Variants in TRIM46 observed in about 807,000 individuals in gnomAD.
TRIM46 encodes tripartite motif containing 46.
A neutral mutation model predicts 69.7 loss-of-function variants in TRIM46; 17 were observed. The ratio of observed to expected loss-of-function variants is 0.24; its 90% confidence interval spans 0.17 to 0.37. The LOEUF (loss-of-function observed/expected upper bound fraction) is 0.37. Among genes scored for constraint, TRIM46 ranks in the 10% least tolerant of loss-of-function variants. TRIM46 has a pLI of 1.00. For synonymous variants in TRIM46, 391 were observed against 429.0 expected (o/e 0.91, Z 1.09); for missense variants, 675 against 1,025.1 (o/e 0.66, Z 4.66).
chr1:155,178,656 C>T, intron 7 of TRIM46, 43 bp downstream of exon 7: 1 of 1,605,544 alleles, frequency 6.2e-7, no homozygotes, highest in Non-Finnish European at 8.5e-7. Flanking sequence ...GAGCCTTCTT[C>T]CCTTCCTCCC....
chr1:155,177,854 C>T (rs758833899), intron 5 of TRIM46, 148 bp from the exon 6 acceptor site: 66 of 1,204,336 alleles, frequency 5.5e-5, no homozygotes, highest in Non-Finnish European at 7.0e-5. Flanking sequence ...AGCCATGAGC[C>T]CAGGCCCTGT....
chr1:155,179,595 C>A, intron 7 of TRIM46, 37 bp from the exon 8 acceptor site: 1 of 1,551,420 alleles, frequency 6.4e-7, no homozygotes. Flanking sequence ...AGGCCAGTGG[C>A]CAGGCCCTGA....
In TRIM46 at chr1:155,181,017, G is replaced by A. The variant is rs1666132858; in HGVS notation, c.1589-835G>A. ...TGGGAGGCCGAGGTGGATGGATCAC[G>A]AGGTCAGGCGTTCAAGACCAGCCTG... On this transcript the variant is annotated intron_variant, in intron 8 of 9. Coordinates refer to ENST00000334634, the MANE Select transcript of TRIM46 (RefSeq NM_025058.5). This position sits in a 1 kb window ranked among gnomAD's most constrained non-coding sequence, Gnocchi z 4.3. 6.6e-6 allele frequency among the ~76,000 whole-genome samples: 1 copy of A among 152,074 alleles called. No homozygotes were observed. Among genetic ancestry groups the A allele is most frequent in the African/African-American group, 2.4e-5 (1 of 41,384 alleles).
At chr1:155,178,739 T>TTGGGGCCCCCCCC in intron 7 of TRIM46, 126 bp downstream of exon 7, 19 of 1,348,436 alleles carry the variant, frequency 1.4e-5, no homozygotes, top group Non-Finnish European at 1.8e-5. Context: ...CAGCCATTCC[T>TTGGGGCCCCCCCC]CCCACCCAGC....
In TRIM46 at chr1:155,184,256, C is replaced by T; in HGVS notation, c.*66C>T. 1.4e-6 allele frequency: 2 copies of T among 1,457,520 alleles called. No individual in the cohort carries two copies. The highest frequency in any genetic ancestry group is 4.9e-5 in the East Asian group (2 of 41,108). 90.3% of individuals were successfully genotyped at this position (1,457,520 alleles called of 1,614,324 possible). A position where few individuals can be genotyped will look rare whatever the true frequency, so the allele number is the denominator to read the frequency against. Reference sequence around the variant, plus strand: ...CCCTGGCCCCCAAACCTCTTGGCACCCGGTTGTTACCCCCTGGCAGCTTCT... The same window carrying T: ...CCCTGGCCCCCAAACCTCTTGGCACTCGGTTGTTACCCCCTGGCAGCTTCT... On this transcript the variant is annotated 3_prime_UTR_variant, in exon 10 of 10. Coordinates refer to ENST00000334634, the MANE Select transcript of TRIM46 (RefSeq NM_025058.5). The surrounding 1 kb of genome is among the most constrained non-coding windows in gnomAD (Gnocchi z 5.6).
At position 155,176,330 on chromosome 1, in the gene TRIM46, GT is replaced by G; in HGVS notation, c.669+103del. ...GGGTTTCCAAAAGGAAGTGGGAAGG[GT>G]TTTCCAATGCTAAGCACCTATCTCT... On this transcript the variant is annotated intron_variant, in intron 3 of 9. Coordinates refer to ENST00000334634, the MANE Select transcript of TRIM46 (RefSeq NM_025058.5). 4.6e-6 allele frequency: 5 copies of G among 1,095,836 alleles called. No individual in the cohort carries two copies. The South Asian group carries it at 7.9e-5, about 17-fold the overall frequency. 67.9% of individuals were successfully genotyped at this position (1,095,836 alleles called of 1,614,324 possible). A position where few individuals can be genotyped will look rare whatever the true frequency, so the allele number is the denominator to read the frequency against.
intron 1 of TRIM46, chr1:155,174,808 G>A: frequency 6.9e-7 from 1 of 1,447,584 alleles, no homozygotes; most frequent in East Asian, 2.6e-5. Context: ...AGGGCGGGAG[G>A]GCCTGATGGG....
rs772812574 is a variant in TRIM46 at position 155,178,598 on chromosome 1, C to G, written c.1270C>G (p.Leu424Val). 1 of 1,613,678 alleles carries G rather than the reference C, an allele frequency of 6.2e-7. No individual in the cohort carries two copies. Among genetic ancestry groups the G allele is most frequent in the Non-Finnish European group, 8.5e-7 (1 of 1,179,992 alleles). The change falls in exon 7 of 10, where the codon CTT becomes GTT. Residue 424 changes from leucine to valine, a missense_variant. This residue lies in a region of TRIM46 where 361 missense variants were observed against 498.3 expected (regional missense o/e 0.72). Transcript: ENST00000334634. ...VGREMKLLTE[L>V]NFLRVPEAPV... ...ACGTGAGATGAAGCTGCTGACAGAG[C>G]TTAACTTCCTGCGAGGTAAGGAGAT...
Position 155,181,983 on chromosome 1 carries a change from T to C in TRIM46, c.1720T>C (p.Cys574Arg). ...LLAADRLLTG[C>R]HLSVDVVLGD... ...GGCTGCTGACCGGCTGCTGACCGGC[T>C]GCCACCTGAGTGTGGATGTGGTCCT... Residue 574 changes from cysteine to arginine, a missense_variant, in exon 9 of 10, where the codon TGC (cysteine) becomes CGC (arginine). Around this residue, in one of 5 missense-constraint regions of TRIM46, gnomAD observed 361 missense variants for 498.3 expected, o/e 0.72. Transcript: ENST00000334634. This position sits in a 1 kb window ranked among gnomAD's most constrained non-coding sequence, Gnocchi z 4.3. 6.2e-7 allele frequency: 1 copy of C among 1,613,758 alleles called. No homozygotes were observed.
At chr1:155,177,844 A>G (rs1015793750) in intron 5 of TRIM46, among the ~76,000 whole-genome samples, 158 bp from the exon 6 acceptor site, 1 of 152,180 alleles carries the variant, frequency 6.6e-6, no homozygotes, top group African/African-American at 2.4e-5. Flanking sequence ...GTGCCTTTGC[A>G]GCCATGAGCC....
chr1:155,183,958 G>T lies in TRIM46; in HGVS notation c.2048G>T (p.Cys683Phe), dbSNP rs1666369120. 2 of 1,613,852 alleles carry T rather than the reference G, an allele frequency of 1.2e-6. No individual in the cohort carries two copies. The highest frequency in any genetic ancestry group is 2.2e-5 in the South Asian group (2 of 91,082). ...GGGAGGGATGGCCCCACAGCCGGCT[G>T]CACAGTGCCCCTGCCACCCCGCCTG... ...LTGRDGPTAG[C>F]TVPLPPRLGI... Residue 683 changes from cysteine (C) to phenylalanine (F), a missense_variant, in exon 10 of 10, where the codon TGC becomes TTC. Coordinates refer to ENST00000334634, the MANE Select transcript of TRIM46 (RefSeq NM_025058.5).
intron 1 of TRIM46, chr1:155,174,957 G>C: frequency 7.2e-7 from 1 of 1,389,296 alleles, no homozygotes; most frequent in Non-Finnish European, 9.3e-7. Flanking sequence ...CTGGCTATCG[G>C]GAGGAATCAC....
Position 155,175,677 on chromosome 1 carries a change from G to A in TRIM46, c.325+30G>A, listed in dbSNP as rs757773010. On this transcript the variant is annotated intron_variant, in intron 2 of 9. Coordinates refer to ENST00000334634, the MANE Select transcript of TRIM46 (RefSeq NM_025058.5). The surrounding 1 kb of genome is among the most constrained non-coding windows in gnomAD (Gnocchi z 4.2). ...GACTGGGGCCTGTAGGGTGGGGATGGGAACGCTGAGCTATTCATCAGGAAG... is the reference window on the plus strand; with the variant it reads ...GACTGGGGCCTGTAGGGTGGGGATGAGAACGCTGAGCTATTCATCAGGAAG... 1 of 1,612,462 alleles carries A rather than the reference G, an allele frequency of 6.2e-7. No individual in the cohort carries two copies. The highest frequency in any genetic ancestry group is 8.5e-7 in the Non-Finnish European group (1 of 1,179,958).
chr1:155,178,390 C>G, intron 6 of TRIM46, 102 bp from the exon 7 acceptor site: 1 of 1,585,688 alleles, frequency 6.3e-7, no homozygotes, highest in Non-Finnish European at 8.6e-7. Context: ...GATACCAGCT[C>G]CCAAAGCAGT....
intron 9 of TRIM46, chr1:155,182,495 A>C (rs981906619): frequency 1.6e-5 from 7 of 444,492 alleles, no homozygotes; most frequent in Non-Finnish European, 2.8e-5. Context: ...TTTCCAACAT[A>C]CCTTCTCCAT....
In TRIM46 at chr1:155,183,796, G is replaced by T; in HGVS notation, c.1887-1G>T. 6.2e-7 allele frequency: 1 copy of T among 1,601,086 alleles called. No homozygotes were observed. ...CTCGTCCCCAACACCCGCTTCTGCA[G>T]GTACGACCCGGACAGCGGGCACGAC... is the stretch of plus-strand genomic sequence containing the variant. On this transcript the variant is annotated splice_acceptor_variant, in intron 9 of 9. Transcript: ENST00000334634. LOFTEE classifies it high-confidence loss of function.
chr1:155,180,020 G>C (rs1243381959), intron 8 of TRIM46, 86 bp downstream of exon 8: 1 of 1,397,220 alleles, frequency 7.2e-7, no homozygotes, highest in South Asian at 1.4e-5. Flanking sequence ...GTGGCCGCTA[G>C]AGAGGCCATA....
Position 155,175,758 on chromosome 1 carries a change from G to A in TRIM46, c.325+111G>A, listed in dbSNP as rs1399266539. 1 of 1,591,030 alleles carries A rather than the reference G, an allele frequency of 6.3e-7. No homozygotes were observed. The highest frequency in any genetic ancestry group is 8.6e-7 in the Non-Finnish European group (1 of 1,163,836). ...TCTGTCTGTCTTTCTGGGGGGTGGA[G>A]ATACTGCTTACGCAGGCTCTAATGA... On this transcript the variant is annotated intron_variant, in intron 2 of 9. Coordinates refer to ENST00000334634, the MANE Select transcript of TRIM46 (RefSeq NM_025058.5). The surrounding 1 kb of genome is among the most constrained non-coding windows in gnomAD (Gnocchi z 4.2).
Position 155,175,828 on chromosome 1 carries a change from C to A in TRIM46, c.326-60C>A. The A allele has an allele frequency of 6.3e-7, 1 of 1,580,448 alleles. No individual in the cohort carries two copies. The highest frequency in any genetic ancestry group is 8.6e-7 in the Non-Finnish European group (1 of 1,160,494). ...TGAAAATCTAATTTAATTAAACAGG[C>A]TTCCCCACACCCAGCCAGCTGTAAC... On this transcript the variant is annotated intron_variant, in intron 2 of 9. Transcript: ENST00000334634. The surrounding 1 kb of genome is among the most constrained non-coding windows in gnomAD (Gnocchi z 4.2).
Sources: allele counts gnomAD v4.1 joint callset (sites outside exome capture counted in the v4.1 genomes callset), GRCh38; gene constraint gnomAD v4.1.1; regional missense constraint gnomAD v4.1.1; non-coding constraint Gnocchi (gnomAD v3.1); transcripts MANE v1.5; gene names NCBI Gene and HGNC (gene_info 2026-07-23, HGNC 2026-07-21).